The following SEPTIN10 variants were observed in gnomAD, a reference collection of about 807,000 sequenced individuals.
SEPTIN10 encodes the protein septin 10.
Under a neutral mutation model 54.8 loss-of-function variants are expected in SEPTIN10, and 66 were observed. The ratio of observed to expected loss-of-function variants is 1.21; its 90% CI spans 0.99 to 1.48. The LOEUF (loss-of-function observed/expected upper bound fraction) is 1.48. SEPTIN10 is among the 40% of genes most tolerant of loss of function. The pLI, the probability that SEPTIN10 is intolerant of heterozygous loss-of-function variation, is 0.00. For missense variants in SEPTIN10, 620 were observed against 545.6 expected, an observed-to-expected ratio of 1.14 and a Z score of -1.36; for synonymous variants, 161 against 181.0, an observed-to-expected ratio of 0.89 and a Z score of 0.89.
rs1558673625 is a variant in SEPTIN10, at chr2:109,544,215, A to G, written c.*94T>C. 1.2e-6 allele frequency: 2 copies of G among 1,609,982 alleles called. No homozygotes were observed. The highest frequency in any genetic ancestry group is 2.2e-5 in the East Asian group (1 of 44,826). Reference sequence around the variant, plus strand: ...GCTGTTCACCAAATATAGAAGTGATAAAACAAATAACAGCAAAATCAAAGC... The same window carrying G: ...GCTGTTCACCAAATATAGAAGTGATGAAACAAATAACAGCAAAATCAAAGC... On this transcript the variant is annotated 3_prime_UTR_variant, in exon 11 of 11. Transcript: ENST00000397712.
chr2:109,613,140 A>G (rs1165447533), intron 1 of SEPTIN10: 1 of 1,284,842 alleles, frequency 7.8e-7, no homozygotes, highest in Non-Finnish European at 1.0e-6. Context: ...CTCGATGTAC[A>G]CGACCTTGGT....
At chr2:109,583,051 G>T (rs369458457) in intron 4 of SEPTIN10, among the ~76,000 whole-genome samples, 2 of 152,210 alleles carry the variant, frequency 1.3e-5, no homozygotes, top group Admixed American at 6.5e-5. Flanking sequence ...AGACTGAAAT[G>T]TAAGACCTCA....
chr2:109,551,234 A>G (rs887488094), intron 9 of SEPTIN10, among the ~76,000 whole-genome samples: 1 of 152,256 alleles, frequency 6.6e-6, no homozygotes, highest in African/African-American at 2.4e-5. Flanking sequence ...ACATATAGAA[A>G]TATGGATTTA....
chr2:109,559,024 T>C (rs1197090637), intron 8 of SEPTIN10, among the ~76,000 whole-genome samples: 4 of 152,068 alleles, frequency 2.6e-5, no homozygotes, highest in Non-Finnish European at 5.9e-5. Flanking sequence ...TAGCTGGGCT[T>C]ATAGGTGTCC....
At chr2:109,573,778 C>G (rs1197003348) in intron 5 of SEPTIN10, among the ~76,000 whole-genome samples, 1 of 152,128 alleles carries the variant, frequency 6.6e-6, no homozygotes, top group Non-Finnish European at 1.5e-5. Flanking sequence ...ATATAAAAAT[C>G]TGAAGTGAGT....
intron 5 of SEPTIN10, among the ~76,000 whole-genome samples, chr2:109,571,098 C>T (rs1688265057): frequency 6.6e-6 from 1 of 152,170 alleles, no homozygotes. Context: ...CCCCTGCACT[C>T]TCCTCCTCCT....
At chr2:109,608,834 A>G (rs989408446) in intron 1 of SEPTIN10, among the ~76,000 whole-genome samples, 6 of 152,226 alleles carry the variant, frequency 3.9e-5, no homozygotes, top group African/African-American at 1.4e-4. Flanking sequence ...TATTATCAGA[A>G]GAAAGTGTAA....
intron 1 of SEPTIN10, among the ~76,000 whole-genome samples, chr2:109,600,308 C>A (rs1031249620): frequency 2.0e-5 from 3 of 152,138 alleles, no homozygotes; most frequent in Non-Finnish European, 4.4e-5. Flanking sequence ...ACAGGCAATA[C>A]TACCCCTGCC....
intron 8 of SEPTIN10, among the ~76,000 whole-genome samples, chr2:109,560,618 G>A (rs540024000): frequency 6.6e-6 from 1 of 152,140 alleles, no homozygotes; most frequent in Non-Finnish European, 1.5e-5. Flanking sequence ...ACCCCAAAGT[G>A]CTTACTTGTA....
At chr2:109,603,048 G>A (rs1697003165) in intron 1 of SEPTIN10, among the ~76,000 whole-genome samples, 1 of 151,644 alleles carries the variant, frequency 6.6e-6, no homozygotes, top group Non-Finnish European at 1.5e-5. Flanking sequence ...TCCAGCCTGG[G>A]CAACAGAGCA....
intron 4 of SEPTIN10, among the ~76,000 whole-genome samples, chr2:109,582,480 T>C (rs1236510756): frequency 6.6e-6 from 1 of 152,046 alleles, no homozygotes; most frequent in Non-Finnish European, 1.5e-5. Flanking sequence ...CCAACATGCC[T>C]GGTTAATTTT....
At chr2:109,582,927 A>G (rs1357243155) in intron 4 of SEPTIN10, among the ~76,000 whole-genome samples, 1 of 152,206 alleles carries the variant, frequency 6.6e-6, no homozygotes, top group Non-Finnish European at 1.5e-5. Context: ...AGCAATGGGG[A>G]AAGGACTCTC....
At chr2:109,590,604 G>GT (rs1693827793) in intron 2 of SEPTIN10, among the ~76,000 whole-genome samples, 2 of 152,124 alleles carry the variant, frequency 1.3e-5, no homozygotes, top group South Asian at 4.2e-4. Context: ...ACTAATTTTT[G>GT]TATTTTTAGT....
chr2:109,591,479 C>T (rs1258786734), intron 2 of SEPTIN10, among the ~76,000 whole-genome samples: 1 of 152,102 alleles, frequency 6.6e-6, no homozygotes, highest in Admixed American at 6.5e-5. Flanking sequence ...GAGGATTAAA[C>T]ATCATTCAAA....
In SEPTIN10 at chr2:109,606,668, T is replaced by TA. The variant is rs1698049344; in HGVS notation, c.30+7129dup. 2.8e-5 allele frequency among the ~76,000 whole-genome samples: 4 copies of TA among 142,898 alleles called. 1 individual carries two copies. Among genetic ancestry groups the TA allele is most frequent in the African/African-American group, 1.0e-4 (4 of 38,904 alleles). The allele number at this position is 142,898 out of a possible 152,430, so 93.7% of individuals were successfully genotyped here. On this transcript the variant is annotated intron_variant, in intron 1 of 10. Coordinates refer to ENST00000397712, the MANE Select transcript of SEPTIN10 (RefSeq NM_144710.5). The stretch of plus-strand genomic sequence containing the variant: ...AAAAAAAAAATTGCACTAAAAATTT[T>TA]AAGCTTTTTTTTTTTTTTTTTTTTT...
Position 109,585,779 on chromosome 2 carries a change from A to C in SEPTIN10, c.159T>G (p.Pro53=). The change falls in exon 3 of 11, where the codon CCT becomes CCG. Residue 53 remains proline, a synonymous_variant. Coordinates refer to ENST00000397712, the MANE Select transcript of SEPTIN10 (RefSeq NM_144710.5). The stretch of plus-strand genomic sequence containing the variant: ...GAATGGATCTGTTCACCAGCTGATC[A>C]GGCAAACTCTCAAAACCAACATGGC... ...MSGHVGFESL[P]DQLVNRSIQQ... is the part of the protein sequence containing the mutation. 1.2e-6 allele frequency: 2 copies of C among 1,614,064 alleles called. No individual in the cohort carries two copies. Among genetic ancestry groups the C allele is most frequent in the Non-Finnish European group, 1.7e-6 (2 of 1,179,972 alleles).
intron 1 of SEPTIN10, among the ~76,000 whole-genome samples, chr2:109,598,513 C>T (rs754557604): frequency 2.6e-5 from 4 of 151,964 alleles, no homozygotes; most frequent in Non-Finnish European, 4.4e-5. Context: ...TGAGCGAGAG[C>T]GAGAGAGAAC....
intron 1 of SEPTIN10, among the ~76,000 whole-genome samples, chr2:109,601,064 C>G (rs1696497996): frequency 1.3e-5 from 2 of 152,232 alleles, no homozygotes; most frequent in African/African-American, 2.4e-5. Context: ...TGCAAGCTCT[C>G]TGAACCCAGT....
At position 109,593,097 on chromosome 2, in the gene SEPTIN10, G is replaced by T. The variant is rs376547232; in HGVS notation, c.53C>A (p.Thr18Lys). The T allele has an allele frequency of 2.8e-5, 44 of 1,596,970 alleles. No homozygotes were observed. The South Asian group carries it at 4.0e-4, about 15-fold the overall frequency. ...TTGTGAAGACATACAAGTTGTTTTCGTTGCCATGTGAGACTGAAAGAGCTA... is the reference window on the plus strand; with the variant it reads ...TTGTGAAGACATACAAGTTGTTTTCTTTGCCATGTGAGACTGAAAGAGCTA... ...RHLLFQSHMA[T>K]KTTCMSSQGS... The change falls in exon 2 of 11, where the codon ACG becomes AAG. Residue 18 changes from threonine (T) to lysine (K), a missense_variant. Thr to Lys is a moderately conservative substitution (Grantham distance 78). Transcript: ENST00000397712.
Sources: allele counts gnomAD v4.1 joint callset (sites outside exome capture counted in the v4.1 genomes callset), GRCh38; gene constraint gnomAD v4.1.1; transcripts MANE v1.5; gene names NCBI Gene and HGNC (gene_info 2026-07-23, HGNC 2026-07-21).